EXOC6B: variants seen among roughly 807,000 people sequenced by gnomAD.
The protein encoded by EXOC6B is exocyst complex component 6B.
A neutral mutation model predicts 113.5 loss-of-function variants in EXOC6B; 54 were observed. The ratio of observed to expected loss-of-function variants is 0.48; its 90% CI spans 0.38 to 0.60. The LOEUF is 0.60. EXOC6B is among the 20% of genes least tolerant of loss of function. EXOC6B has a pLI of 0.00. For synonymous variants in EXOC6B, 357 were observed against 339.0 expected (o/e 1.05, Z -0.58); for missense variants, 797 against 977.5 (o/e 0.82, Z 2.46).
chr2:72,658,521 G>A (rs1674774438), intron 6 of EXOC6B, among the ~76,000 whole-genome samples: 1 of 151,766 alleles, frequency 6.6e-6, no homozygotes, highest in African/African-American at 2.4e-5. Flanking sequence ...CTCTATCAGT[G>A]ATCATCTCTA....
chr2:72,574,835 A>G (rs1171945875), intron 7 of EXOC6B, among the ~76,000 whole-genome samples: 1 of 152,238 alleles, frequency 6.6e-6, no homozygotes, highest in Non-Finnish European at 1.5e-5. Context: ...CTCAAAGGTC[A>G]TAATAGTTTT....
intron 20 of EXOC6B, among the ~76,000 whole-genome samples, chr2:72,203,525 C>T (rs1162467016): frequency 6.6e-6 from 1 of 152,200 alleles, no homozygotes; most frequent in South Asian, 2.1e-4. Flanking sequence ...GTCTTTCTGG[C>T]TGCTCAACTG....
chr2:72,512,431 G>A (rs545224738), intron 11 of EXOC6B, among the ~76,000 whole-genome samples: 3 of 140,254 alleles, frequency 2.1e-5, no homozygotes, highest in Non-Finnish European at 4.7e-5. Context: ...AAGGAAAGAA[G>A]GAAGGAAGGA....
intron 19 of EXOC6B, among the ~76,000 whole-genome samples, chr2:72,356,714 C>T (rs997462959): frequency 1.3e-5 from 2 of 152,074 alleles, no homozygotes; most frequent in African/African-American, 4.8e-5. Flanking sequence ...ATAGCAAACA[C>T]CCAACGCTTG....
intron 1 of EXOC6B, among the ~76,000 whole-genome samples, chr2:72,775,802 T>C (rs1460591796): frequency 6.6e-6 from 1 of 152,214 alleles, no homozygotes; most frequent in East Asian, 1.9e-4. Flanking sequence ...TAGCAATCAT[T>C]ACAGTGATGA....
At chr2:72,645,330 C>A (rs960190276) in intron 6 of EXOC6B, among the ~76,000 whole-genome samples, 1 of 152,094 alleles carries the variant, frequency 6.6e-6, no homozygotes, top group African/African-American at 2.4e-5. Flanking sequence ...GACTCCCACA[C>A]AATAATAATG....
intron 16 of EXOC6B, 44 bp from the exon 17 acceptor site, chr2:72,480,794 C>T: frequency 6.4e-7 from 1 of 1,559,924 alleles, no homozygotes; most frequent in Non-Finnish European, 8.7e-7. Context: ...AACTACTCAC[C>T]CCAGGATGAA....
intron 18 of EXOC6B, among the ~76,000 whole-genome samples, chr2:72,416,851 C>T (rs1334179654): frequency 1.3e-5 from 2 of 152,106 alleles, no homozygotes; most frequent in African/African-American, 4.8e-5. Flanking sequence ...CATTAACAAT[C>T]GCAGACTCTT....
At chr2:72,518,074 C>T (rs926264042) in intron 8 of EXOC6B, among the ~76,000 whole-genome samples, 8 of 152,072 alleles carry the variant, frequency 5.3e-5, no homozygotes, top group Non-Finnish European at 7.4e-5. Flanking sequence ...GAATTTGAGA[C>T]GTAGATGTTT....
intron 6 of EXOC6B, among the ~76,000 whole-genome samples, chr2:72,643,900 G>C (rs1449233608): frequency 6.6e-6 from 1 of 151,940 alleles, no homozygotes; most frequent in Non-Finnish European, 1.5e-5. Flanking sequence ...TCCTCCAAAG[G>C]ATCACAGTTC....
intron 1 of EXOC6B, among the ~76,000 whole-genome samples, chr2:72,761,494 TATTTA>T (rs1379526136): frequency 6.6e-6 from 1 of 152,180 alleles, no homozygotes; most frequent in African/African-American, 2.4e-5. Flanking sequence ...CTTGATTATT[TATTTA>T]AAGAGGGAAA....
At chr2:72,709,075 A>G (rs1330219904) in intron 6 of EXOC6B, among the ~76,000 whole-genome samples, 1 of 151,604 alleles carries the variant, frequency 6.6e-6, no homozygotes, top group Non-Finnish European at 1.5e-5. Flanking sequence ...AAACTACTTT[A>G]GGGTTATTTG....
chr2:72,642,897 T>C (rs1346691181), intron 6 of EXOC6B, among the ~76,000 whole-genome samples: 1 of 147,342 alleles, frequency 6.8e-6, no homozygotes, highest in Non-Finnish European at 1.5e-5. Flanking sequence ...GAATCTACAA[T>C]GAACTCAAAC....
At chr2:72,644,517 A>C (rs1252607914) in intron 6 of EXOC6B, among the ~76,000 whole-genome samples, 2 of 152,200 alleles carry the variant, frequency 1.3e-5, no homozygotes, top group Admixed American at 6.5e-5. Context: ...TGAAGGAAAA[A>C]ATGTTAACGG....
Position 72,815,121 on chromosome 2 carries a change from T to C in EXOC6B, c.113+10677A>G, listed in dbSNP as rs141691861. ...ATTTACCAATCACAACTAATTCCAC[T>C]GTACATACTCGTCATGCATTTAAGC... On this transcript the variant is annotated intron_variant, in intron 1 of 21. Coordinates refer to ENST00000272427, the MANE Select transcript of EXOC6B (RefSeq NM_015189.3). Among the ~76,000 whole-genome samples, 284 of 152,328 alleles carry C rather than the reference T, an allele frequency of 1.9e-3. 2 individuals are homozygous for C. The highest frequency in any genetic ancestry group is 5.8e-3 in the African/African-American group (240 of 41,578).
intron 1 of EXOC6B, among the ~76,000 whole-genome samples, chr2:72,750,235 T>C (rs1681956812): frequency 6.6e-6 from 1 of 151,970 alleles, no homozygotes; most frequent in Non-Finnish European, 1.5e-5. Context: ...AGCAATTAAG[T>C]ACATGAAAGA....
At chr2:72,260,843 T>C (rs1273799968) in intron 20 of EXOC6B, among the ~76,000 whole-genome samples, 1 of 152,182 alleles carries the variant, frequency 6.6e-6, no homozygotes, top group Non-Finnish European at 1.5e-5. Flanking sequence ...GGTGATAATC[T>C]ACAGAATTTC....
chr2:72,267,961 A>C (rs1267152123), intron 20 of EXOC6B, among the ~76,000 whole-genome samples: 2 of 152,256 alleles, frequency 1.3e-5, no homozygotes, highest in African/African-American at 4.8e-5. Flanking sequence ...ACAAGGAAAC[A>C]AACATAAGTA....
Position 72,657,571 on chromosome 2 carries a change from T to TC in EXOC6B, c.669+60531_669+60532insG, listed in dbSNP as rs1674683440. Among the ~76,000 whole-genome samples, 4 of 127,560 alleles carry TC rather than the reference T, an allele frequency of 3.1e-5. 1 individual carries two copies. Among genetic ancestry groups the TC allele is most frequent in the African/African-American group, 1.2e-4 (4 of 33,118 alleles). The allele number at this position is 127,560 out of a possible 152,430, so 83.7% of individuals were successfully genotyped here. A position where few individuals can be genotyped will look rare whatever the true frequency, so the allele number is the denominator to read the frequency against. The stretch of plus-strand genomic sequence containing the variant: ...AGGTCTTTCCTCTTTCCTTTTCTTT[T>TC]TTTTTTTTTTTTTTTTTTTTTTTGT... On this transcript the variant is annotated intron_variant, in intron 6 of 21. Coordinates refer to ENST00000272427, the MANE Select transcript of EXOC6B (RefSeq NM_015189.3).
Sources: gnomAD v4.1 joint callset for allele counts (sites outside exome capture counted in the v4.1 genomes callset) on GRCh38, gnomAD v4.1.1 for gene constraint, MANE v1.5 for transcripts, NCBI Gene and HGNC (gene_info 2026-07-23, HGNC 2026-07-21) for gene names.